Variants in NOX4 observed in about 807,000 individuals in gnomAD.
NOX4 encodes kidney oxidase-1.
A neutral mutation model predicts 87.6 loss-of-function variants in NOX4; 69 were observed. The ratio of observed to expected loss-of-function variants is 0.79; its 90% CI spans 0.65 to 0.96. NOX4 has a LOEUF of 0.96. Ranked by LOEUF, NOX4 falls within the 40% of genes least tolerant of loss-of-function variation. The pLI is 0.00. For synonymous variants in NOX4, 275 were observed against 238.2 expected, an observed-to-expected ratio of 1.15 and a Z score of -1.42; for missense variants, 680 against 681.5, an observed-to-expected ratio of 1.00 and a Z score of 0.02.
chr11:89,400,375 C>T lies in NOX4; in HGVS notation c.851G>A (p.Trp284Ter), dbSNP rs767220920. The T allele has an allele frequency of 1.3e-6, 2 of 1,570,728 alleles. No individual in the cohort carries two copies. The highest frequency in any genetic ancestry group is 2.3e-5 in the East Asian group (1 of 44,060). ...PRFQANFPQT[W>*]LWISGPLCLY... ...GCACAAAGGTCCAGAAATCCAAAGC[C>T]AAGTCTAAGACAAATTTTTGAAAAT... The change falls in exon 10 of 18, where the codon TGG (tryptophan) becomes TAG (stop). Residue 284 changes from tryptophan (W) to a stop codon, truncating the protein, a stop_gained. Coordinates refer to ENST00000263317, the MANE Select transcript of NOX4 (RefSeq NM_016931.5). LOFTEE classifies it high-confidence loss of function.
chr11:89,578,576 T>G, the NOX4 span, among the ~76,000 whole-genome samples: 1 of 152,204 alleles, frequency 6.6e-6, no homozygotes, highest in African/African-American at 2.4e-5. Context: ...GAAAGATTAT[T>G]CTACATGAGA....
At chr11:89,446,779 T>C (rs1239875998) in intron 4 of NOX4, among the ~76,000 whole-genome samples, 27 of 152,272 alleles carry the variant, frequency 1.8e-4, no homozygotes, top group Admixed American at 1.7e-3. Context: ...TTCTGCATGG[T>C]ACAGTAATGG....
intron 6 of NOX4, among the ~76,000 whole-genome samples, chr11:89,439,333 T>C (rs770658752): frequency 2.0e-5 from 3 of 152,020 alleles, no homozygotes; most frequent in Non-Finnish European, 4.4e-5. Flanking sequence ...AATGAAAACA[T>C]GTTTTCAATG....
chr11:89,345,843 C>T (rs1242061827), intron 13 of NOX4, among the ~76,000 whole-genome samples: 1 of 152,034 alleles, frequency 6.6e-6, no homozygotes, highest in Non-Finnish European at 1.5e-5. Flanking sequence ...CAACATGATC[C>T]TGAATTGGCA....
chr11:89,413,870 A>G (rs1405517619), intron 8 of NOX4, among the ~76,000 whole-genome samples: 1 of 152,124 alleles, frequency 6.6e-6, no homozygotes, highest in Non-Finnish European at 1.5e-5. Context: ...CCTGTATCAA[A>G]ATATCTCATG....
intron 17 of NOX4, among the ~76,000 whole-genome samples, chr11:89,333,647 T>C (rs1945571631): frequency 6.6e-6 from 1 of 151,782 alleles, no homozygotes. Context: ...TATATGCCTG[T>C]CTTCCCTACT....
intron 2 of NOX4, among the ~76,000 whole-genome samples, chr11:89,477,073 T>C (rs1357744682): frequency 1.3e-5 from 2 of 152,054 alleles, no homozygotes; most frequent in African/African-American, 4.8e-5. Flanking sequence ...GCAGTGGTGG[T>C]TTTGGGATGA....
chr11:89,378,952 A>G (rs1418946477), intron 11 of NOX4, among the ~76,000 whole-genome samples: 1 of 152,212 alleles, frequency 6.6e-6, no homozygotes, highest in South Asian at 2.1e-4. Context: ...TTTGTATGAA[A>G]GAAAAAAGTG....
chr11:89,396,149 T>C lies in NOX4; in HGVS notation c.1074+3868A>G, dbSNP rs546390711. On this transcript the variant is annotated intron_variant, in intron 11 of 17. Coordinates refer to ENST00000263317, the MANE Select transcript of NOX4 (RefSeq NM_016931.5). ...TCCTGTCCATGAGCATGAAATGTTC[T>C]TCCATTTGTTTGTGTCCTCTTTTAT... 1.5e-3 allele frequency among the ~76,000 whole-genome samples: 235 copies of C among 152,272 alleles called. 1 individual carries two copies. Among genetic ancestry groups the C allele is most frequent in the Non-Finnish European group, 2.4e-4 (16 of 68,012 alleles).
the NOX4 span, among the ~76,000 whole-genome samples, chr11:89,529,598 A>G: frequency 2.0e-5 from 3 of 152,214 alleles, no homozygotes; most frequent in Non-Finnish European, 4.4e-5. Context: ...CTCCAGGTAT[A>G]TCCTGAGATG....
Position 89,325,241 on chromosome 11 carries a change from A to T in NOX4, c.*1515T>A, listed in dbSNP as rs1945180121. The T allele has an allele frequency of 7.0e-6, 1 of 143,682 alleles. No individual in the cohort carries two copies. 8.9% of individuals were successfully genotyped at this position (143,682 alleles called of 1,614,324 possible). On this transcript the variant is annotated 3_prime_UTR_variant, in exon 18 of 18. Transcript: ENST00000263317. ...CCGGGTTCAAGCGATTCTTTGCCTC[A>T]GTCTCCCGAGTAGTTGGGATTATAG...
At chr11:89,421,293 A>C (rs1943073501) in intron 8 of NOX4, among the ~76,000 whole-genome samples, 1 of 152,110 alleles carries the variant, frequency 6.6e-6, no homozygotes, top group Non-Finnish European at 1.5e-5. Flanking sequence ...ATCTATCTTC[A>C]TGTATTGTTT....
intron 14 of NOX4, among the ~76,000 whole-genome samples, chr11:89,341,377 C>A (rs939387941): frequency 6.6e-6 from 1 of 152,118 alleles, no homozygotes; most frequent in Non-Finnish European, 1.5e-5. Flanking sequence ...CCCACCTCGG[C>A]CTCCCACAGT....
intron 8 of NOX4, among the ~76,000 whole-genome samples, chr11:89,414,173 C>T (rs951182763): frequency 6.6e-6 from 1 of 151,952 alleles, no homozygotes; most frequent in Non-Finnish European, 1.5e-5. Flanking sequence ...TAACCCAGGG[C>T]ATTTGTTTCA....
the NOX4 span, among the ~76,000 whole-genome samples, chr11:89,560,632 A>T: frequency 1.8e-4 from 28 of 152,116 alleles, no homozygotes; most frequent in South Asian, 5.8e-3. Flanking sequence ...TTAACATCCA[A>T]ATGGCTGTGG....
Position 89,402,317 on chromosome 11 carries a change from T to C in NOX4, c.846+9A>G, listed in dbSNP as rs573438494. On this transcript the variant is annotated intron_variant, in intron 9 of 17. Coordinates refer to ENST00000263317, the MANE Select transcript of NOX4 (RefSeq NM_016931.5). Reference sequence around the variant, plus strand: ...ACTTTGTGGAGATCAAACACAAAATTAATCTGACCTGTGGAAAATTAGCTT... The same window carrying C: ...ACTTTGTGGAGATCAAACACAAAATCAATCTGACCTGTGGAAAATTAGCTT... 2.5e-6 allele frequency: 4 copies of C among 1,605,680 alleles called. No individual in the cohort carries two copies. The highest frequency in any genetic ancestry group is 2.2e-5 in the South Asian group (2 of 90,850).
intron 4 of NOX4, among the ~76,000 whole-genome samples, chr11:89,448,985 G>A (rs1944831121): frequency 6.6e-6 from 1 of 152,116 alleles, no homozygotes; most frequent in South Asian, 2.1e-4. Context: ...TTTCTTACTG[G>A]AATGAAATTA....
intron 12 of NOX4, among the ~76,000 whole-genome samples, chr11:89,356,431 A>G (rs1249823087): frequency 2.9e-5 from 3 of 102,204 alleles, no homozygotes; most frequent in South Asian, 5.3e-4. Context: ...GGAAGGGGGA[A>G]AAAAAAAGGA....
chr11:89,509,620 T>C, the NOX4 span, among the ~76,000 whole-genome samples: 4 of 152,176 alleles, frequency 2.6e-5, no homozygotes, highest in Admixed American at 2.6e-4. Flanking sequence ...TGGTATTTGT[T>C]AATGAATTTA....
Sources: gnomAD v4.1 joint callset for allele counts (sites outside exome capture counted in the v4.1 genomes callset) on GRCh38, gnomAD v4.1.1 for gene constraint, MANE v1.5 for transcripts, NCBI Gene and HGNC (gene_info 2026-07-23, HGNC 2026-07-21) for gene names.